The following TUBA3C variants were observed in gnomAD, a reference collection of about 807,000 sequenced individuals.
The protein encoded by TUBA3C is tubulin alpha-3C chain.
A neutral mutation model predicts 33.4 loss-of-function variants in TUBA3C; 23 were observed. The ratio of observed to expected loss-of-function variants is 0.69; its 90% CI spans 0.50 to 0.98. TUBA3C has a LOEUF of 0.98. Among genes scored for constraint, TUBA3C ranks in the 50% least tolerant of loss-of-function variants. The pLI, the probability that TUBA3C is intolerant of heterozygous loss-of-function variation, is 0.00. For synonymous variants in TUBA3C, 269 were observed against 250.4 expected (o/e 1.07, Z -0.70); for missense variants, 402 against 616.0 (o/e 0.65, Z 3.68).
intron 4 of TUBA3C, among the ~76,000 whole-genome samples, chr13:19,176,027 G>GC (rs1184466203): frequency 1.3e-5 from 2 of 152,140 alleles, no homozygotes; most frequent in African/African-American, 4.8e-5. Flanking sequence ...ATAGGCATGG[G>GC]CCACCATGCC....
intron 1 of TUBA3C, among the ~76,000 whole-genome samples, chr13:19,180,671 A>ATT (rs1208542934): frequency 6.6e-6 from 1 of 151,620 alleles, no homozygotes; most frequent in Non-Finnish European, 1.5e-5. Context: ...AATTTTTTGT[A>ATT]TTTTTAGTAG....
chr13:19,181,822 G>A lies in TUBA3C; in HGVS notation c.-75C>T, dbSNP rs779169508. The A allele has an allele frequency of 3.9e-5, 62 of 1,581,740 alleles. No homozygotes were observed. In the Admixed American group the frequency reaches 7.1e-4, roughly 18 times the overall value. ...GCCGCTGCAGCTGCGCACGCCCAAC[G>A]ACAGCCTCCCGCCGTGCGCTGTCTG... On this transcript the variant is annotated 5_prime_UTR_variant, in exon 1 of 5. Transcript: ENST00000400113.
chr13:19,176,741 A>AAAAAAAAAAAAAC (rs1869193606), intron 4 of TUBA3C, among the ~76,000 whole-genome samples, 186 bp downstream of exon 4: 1 of 127,306 alleles, frequency 7.9e-6, no homozygotes, highest in Non-Finnish European at 1.6e-5. Context: ...AAAAAAAAAA[A>AAAAAAAAAAAAAC]AAAAAAAAAA....
At chr13:19,180,992 C>T (rs1317531326) in intron 1 of TUBA3C, among the ~76,000 whole-genome samples, 3 of 150,628 alleles carry the variant, frequency 2.0e-5, no homozygotes, top group East Asian at 3.9e-4. Flanking sequence ...ACTTGACAAA[C>T]CACGGCCACT....
chr13:19,180,786 C>T (rs1044544958), intron 1 of TUBA3C, among the ~76,000 whole-genome samples: 3 of 151,826 alleles, frequency 2.0e-5, no homozygotes, highest in Non-Finnish European at 2.9e-5. Flanking sequence ...TGAGCCACAG[C>T]GCCCGGCCGA....
chr13:19,177,747 G>T lies in TUBA3C; in HGVS notation c.376-140C>A. On this transcript the variant is annotated intron_variant, in intron 3 of 4. Coordinates refer to ENST00000400113, the MANE Select transcript of TUBA3C (RefSeq NM_006001.3). This position sits in a 1 kb window ranked among gnomAD's most constrained non-coding sequence, Gnocchi z 5.0. ...TAATAAACACGCAGTACACTCTGAAGCAAAGAAAAGCAGACAAAGATCTAC... is the reference window on the plus strand; with the variant it reads ...TAATAAACACGCAGTACACTCTGAATCAAAGAAAAGCAGACAAAGATCTAC... 1.8e-6 allele frequency: 2 copies of T among 1,133,288 alleles called. No homozygotes were observed. The highest frequency in any genetic ancestry group is 2.4e-6 in the Non-Finnish European group (2 of 819,720). 70.2% of individuals were successfully genotyped at this position (1,133,288 alleles called of 1,614,324 possible).
At position 19,177,240 on chromosome 13, in the gene TUBA3C, A is replaced by G. The variant is rs1226446684; in HGVS notation, c.743T>C (p.Leu248Pro). 2 of 1,614,116 alleles carry G rather than the reference A, an allele frequency of 1.2e-6. No individual in the cohort carries two copies. Among genetic ancestry groups the G allele is most frequent in the Non-Finnish European group, 8.5e-7 (1 of 1,180,032 alleles). The change falls in exon 4 of 5, where the codon CTG (leucine) becomes CCG (proline). Residue 248 changes from leucine (L) to proline (P), a missense_variant. By Grantham distance (98) the Leu-to-Pro change is moderately conservative. Transcript: ENST00000400113. The surrounding 1 kb of genome is among the most constrained non-coding windows in gnomAD (Gnocchi z 5.0). ...CTGGAATTCCGTCAAGTCCACATTC[A>G]GGGCCCCGTCAAATCGCAGGGAGGC... ...ITASLRFDGALNVDLTEFQTN... is the reference protein window; with the variant it reads ...ITASLRFDGAPNVDLTEFQTN...
At position 19,174,043 on chromosome 13, in the gene TUBA3C, C is replaced by T. The variant is rs146035095; in HGVS notation, c.1173G>A (p.Leu391=). 5.3e-5 allele frequency: 85 copies of T among 1,613,920 alleles called. No homozygotes were observed. The highest frequency in any genetic ancestry group is 3.3e-4 in the Middle Eastern group (2 of 6,062). ...TTAIAEAWAR[L]DHKFDLMYAK... ...CATACATGAGATCGAACTTATGGTC[C>T]AGGCGAGCCCAGGCCTCCGCGATGG... The change falls in exon 5 of 5, where the codon CTG becomes CTA. Residue 391 remains leucine, a synonymous_variant. Coordinates refer to ENST00000400113, the MANE Select transcript of TUBA3C (RefSeq NM_006001.3).
intron 1 of TUBA3C, 93 bp downstream of exon 1, chr13:19,181,652 G>A (rs372952041): frequency 5.3e-5 from 83 of 1,570,332 alleles, no homozygotes; most frequent in African/African-American, 3.5e-4. Flanking sequence ...ACCCTGGCCC[G>A]CAACAGCATC....
chr13:19,177,279 A>G lies in TUBA3C; in HGVS notation c.704T>C (p.Val235Ala). Residue 235 changes from valine to alanine, a missense_variant, in exon 4 of 5, where the codon GTG becomes GCG. Physicochemically the swap from Val to Ala is moderately conservative, Grantham distance 64. Coordinates refer to ENST00000400113, the MANE Select transcript of TUBA3C (RefSeq NM_006001.3). The surrounding 1 kb of genome is among the most constrained non-coding windows in gnomAD (Gnocchi z 5.0). ...TNLNRLIGQI[V>A]SSITASLRFD... ...TCGCAGGGAGGCCGTGATGGAGGAC[A>G]CGATCTGCCCAATCAGGCGATTGAG... 5.6e-6 allele frequency: 9 copies of G among 1,614,150 alleles called. No homozygotes were observed. The highest frequency in any genetic ancestry group is 7.6e-6 in the Non-Finnish European group (9 of 1,180,036).
In TUBA3C at chr13:19,181,815, G is replaced by A. The variant is rs867660150; in HGVS notation, c.-68C>T. 35 of 1,587,060 alleles carry A rather than the reference G, an allele frequency of 2.2e-5. No individual in the cohort carries two copies. Among genetic ancestry groups the A allele is most frequent in the Middle Eastern group, 3.4e-4 (2 of 5,864 alleles). On this transcript the variant is annotated 5_prime_UTR_variant, in exon 1 of 5. Coordinates refer to ENST00000400113, the MANE Select transcript of TUBA3C (RefSeq NM_006001.3). ...CTCAACCGCCGCTGCAGCTGCGCAC[G>A]CCCAACGACAGCCTCCCGCCGTGCG... is the stretch of plus-strand genomic sequence containing the variant.
Position 19,177,995 on chromosome 13 carries a change from C to T in TUBA3C, c.375+251G>A, listed in dbSNP as rs1278831324. Among the ~76,000 whole-genome samples, 2 of 152,232 alleles carry T rather than the reference C, an allele frequency of 1.3e-5. No homozygotes were observed. The highest frequency in any genetic ancestry group is 4.8e-5 in the African/African-American group (2 of 41,562). ...CTGAGTAGCTGGGACTACAGGCAGG[C>T]ACCACCACGCCTGACTAATGTGTGT... On this transcript the variant is annotated intron_variant, in intron 3 of 4. Coordinates refer to ENST00000400113, the MANE Select transcript of TUBA3C (RefSeq NM_006001.3). The surrounding 1 kb of genome is among the most constrained non-coding windows in gnomAD (Gnocchi z 5.0).
chr13:19,180,919 C>A (rs1324061386), intron 1 of TUBA3C, among the ~76,000 whole-genome samples: 1 of 147,674 alleles, frequency 6.8e-6, no homozygotes, highest in Non-Finnish European at 1.5e-5. Context: ...GATCGTGCAA[C>A]TGTGCTCCAG....
Position 19,177,957 on chromosome 13 carries a change from C to T in TUBA3C, c.375+289G>A, listed in dbSNP as rs1869261163. 6.6e-6 allele frequency among the ~76,000 whole-genome samples: 1 copy of T among 151,586 alleles called. No homozygotes were observed. Among genetic ancestry groups the T allele is most frequent in the Non-Finnish European group, 1.5e-5 (1 of 67,932 alleles). On this transcript the variant is annotated intron_variant, in intron 3 of 4. Transcript: ENST00000400113. This position sits in a 1 kb window ranked among gnomAD's most constrained non-coding sequence, Gnocchi z 5.0. ...TGCCTCCCGGGCTCAAGCCATTCTCCTGCCTCAGCTTCCTGAGTAGCTGGG... is the reference window on the plus strand; with the variant it reads ...TGCCTCCCGGGCTCAAGCCATTCTCTTGCCTCAGCTTCCTGAGTAGCTGGG...
chr13:19,174,277 C>G, intron 4 of TUBA3C, 118 bp from the exon 5 acceptor site: 1 of 1,365,626 alleles, frequency 7.3e-7, no homozygotes, highest in South Asian at 1.5e-5. Flanking sequence ...CAGTTCACCC[C>G]ACAAATGTCA....
At position 19,177,354 on chromosome 13, in the gene TUBA3C, T is replaced by C; in HGVS notation, c.629A>G (p.Tyr210Cys). 1 of 1,614,062 alleles carries C rather than the reference T, an allele frequency of 6.2e-7. No homozygotes were observed. The highest frequency in any genetic ancestry group is 2.2e-5 in the East Asian group (1 of 44,866). The change falls in exon 4 of 5, where the codon TAT becomes TGT. Residue 210 changes from tyrosine to cysteine, a missense_variant. Tyr to Cys is a radical substitution (Grantham distance 194). Transcript: ENST00000400113. This position sits in a 1 kb window ranked among gnomAD's most constrained non-coding sequence, Gnocchi z 5.0. ...CAFMVDNEAIYDICRRNLDIE... is the reference protein window; with the variant it reads ...CAFMVDNEAICDICRRNLDIE... ...GTCCAGGTTGCGCCGACATATGTCA[T>C]AGATGGCTTCATTGTCGACCATGAA...
In TUBA3C at chr13:19,177,280, C is replaced by T. The variant is rs748052814; in HGVS notation, c.703G>A (p.Val235Met). The T allele has an allele frequency of 5.0e-6, 8 of 1,613,964 alleles. No homozygotes were observed. Among genetic ancestry groups the T allele is most frequent in the Admixed American group, 1.7e-5 (1 of 59,988 alleles). Reference sequence around the variant, plus strand: ...CGCAGGGAGGCCGTGATGGAGGACACGATCTGCCCAATCAGGCGATTGAGG... The same window carrying T: ...CGCAGGGAGGCCGTGATGGAGGACATGATCTGCCCAATCAGGCGATTGAGG... Reference protein sequence around the residue: ...TNLNRLIGQIVSSITASLRFD... With the variant: ...TNLNRLIGQIMSSITASLRFD... Residue 235 changes from valine to methionine, a missense_variant, in exon 4 of 5, where the codon GTG becomes ATG. Val to Met is a conservative substitution (Grantham distance 21). Coordinates refer to ENST00000400113, the MANE Select transcript of TUBA3C (RefSeq NM_006001.3). This position sits in a 1 kb window ranked among gnomAD's most constrained non-coding sequence, Gnocchi z 5.0.
chr13:19,176,519 C>CAAAGGCCA (rs1869182568), intron 4 of TUBA3C, among the ~76,000 whole-genome samples: 1 of 151,876 alleles, frequency 6.6e-6, no homozygotes, highest in Non-Finnish European at 1.5e-5. Context: ...TTTGGGTGGC[C>CAAAGGCCA]AAGGTGGGTG....
rs1035259651 is a variant in TUBA3C at position 19,173,889 on chromosome 13, C to T, written c.1327G>A (p.Glu443Lys). 5.6e-6 allele frequency: 9 copies of T among 1,613,908 alleles called. No individual in the cohort carries two copies. Among genetic ancestry groups the T allele is most frequent in the East Asian group, 2.2e-5 (1 of 44,854 alleles). Residue 443 changes from glutamate to lysine, a missense_variant, in exon 5 of 5, where the codon GAG becomes AAG. By Grantham distance (56) the Glu-to-Lys change is moderately conservative (BLOSUM62 1). Transcript: ENST00000400113. ...EEVGVDSVEA[E>K]AEEGEEY ...CAGTATTCTTCACCTTCTTCAGCCT[C>T]GGCTTCCACGGAATCCACGCCCACC...
Sources: allele counts gnomAD v4.1 joint callset (sites outside exome capture counted in the v4.1 genomes callset), GRCh38; gene constraint gnomAD v4.1.1; non-coding constraint Gnocchi (gnomAD v3.1); transcripts MANE v1.5; gene names NCBI Gene and HGNC (gene_info 2026-07-23, HGNC 2026-07-21).